The following NAALADL2 variants were observed in gnomAD, a reference collection of about 807,000 sequenced individuals.
NAALADL2 encodes inactive N-acetylated-alpha-linked acidic dipeptidase-like protein 2.
Under a neutral mutation model 87.2 loss-of-function variants are expected in NAALADL2, and 76 were observed. The observed-to-expected ratio is 0.87, with a 90% CI of 0.72 to 1.05. The LOEUF is 1.05. Ranked by LOEUF, NAALADL2 falls within the 50% of genes least tolerant of loss-of-function variation. NAALADL2 has a pLI of 0.00. For missense variants in NAALADL2, 1,089 were observed against 945.8 expected (o/e 1.15, Z -1.99); for synonymous variants, 354 against 331.0 (o/e 1.07, Z -0.75).
At chr3:175,126,302 T>C (rs977146293) in intron 2 of NAALADL2, among the ~76,000 whole-genome samples, 1 of 152,102 alleles carries the variant, frequency 6.6e-6, no homozygotes, top group Non-Finnish European at 1.5e-5. Context: ...GTGCAGACTA[T>C]GGGCTTTAAT....
chr3:174,719,948 T>C (rs757736649), intron 2 of NAALADL2, among the ~76,000 whole-genome samples: 2 of 152,086 alleles, frequency 1.3e-5, no homozygotes, highest in Non-Finnish European at 2.9e-5. Context: ...ACTGCAGGCA[T>C]GCGCCACCAT....
chr3:175,607,373 T>TTC (rs1453653495), intron 10 of NAALADL2, among the ~76,000 whole-genome samples: 1 of 152,232 alleles, frequency 6.6e-6, no homozygotes, highest in East Asian at 1.9e-4. Context: ...TTATGCTTTT[T>TTC]TCCTTCCACT....
At position 174,714,277 on chromosome 3, in the gene NAALADL2, A is replaced by G. The variant is rs58734254; in HGVS notation, c.-114-23364A>G. Among the ~76,000 whole-genome samples, 936 of 152,138 alleles carry G rather than the reference A, an allele frequency of 6.2e-3. 6 individuals carry two copies. The highest frequency in any genetic ancestry group is 0.021 in the African/African-American group (888 of 41,522). ...TCTTTTGGCTTAGGATTGACTTGGC[A>G]ATGTGGGCTCTTTTTTGGTTCCATA... On this transcript the variant is annotated intron_variant, in intron 2 of 3. Transcript: ENST00000434257.
At position 175,202,650 on chromosome 3, in the gene NAALADL2, C is replaced by T. The variant is rs941413781; in HGVS notation, c.546-31281C>T. Among the ~76,000 whole-genome samples, 7 of 152,014 alleles carry T rather than the reference C, an allele frequency of 4.6e-5. No individual in the cohort carries two copies. In the South Asian group the frequency reaches 6.2e-4, roughly 13 times the overall value. ...AGCATCAGCTGTGGTAGTATGGAGA[C>T]GAACTGGCAGTAGGCAGGTCCCTAG... is the stretch of plus-strand genomic sequence containing the variant. On this transcript the variant is annotated intron_variant, in intron 2 of 13. Coordinates refer to ENST00000454872, the MANE Select transcript of NAALADL2 (RefSeq NM_207015.3).
At chr3:174,497,910 A>C (rs1718645351) in intron 1 of NAALADL2, among the ~76,000 whole-genome samples, 1 of 152,192 alleles carries the variant, frequency 6.6e-6, no homozygotes, top group Non-Finnish European at 1.5e-5. Flanking sequence ...TGGAATTCAA[A>C]TTAGCAAAAT....
intron 2 of NAALADL2, among the ~76,000 whole-genome samples, chr3:175,232,178 G>T (rs1230833759): frequency 6.7e-6 from 1 of 150,128 alleles, no homozygotes; most frequent in Non-Finnish European, 1.5e-5. Context: ...GGAGGAGAAG[G>T]AGCAAGAGGA....
intron 2 of NAALADL2, among the ~76,000 whole-genome samples, chr3:174,727,356 G>C (rs1296150907): frequency 6.6e-6 from 1 of 151,800 alleles, no homozygotes; most frequent in Non-Finnish European, 1.5e-5. Flanking sequence ...TTCCCAAAAT[G>C]GGTAATGTTC....
At chr3:174,492,558 A>G (rs1394653376) in intron 1 of NAALADL2, among the ~76,000 whole-genome samples, 1 of 152,096 alleles carries the variant, frequency 6.6e-6, no homozygotes, top group African/African-American at 2.4e-5. Flanking sequence ...TGTGTGCTGA[A>G]AGCAACATCC....
chr3:175,412,746 A>G lies in NAALADL2; in HGVS notation c.1091-34483A>G, dbSNP rs529479588. ...AAAAAATTCTAAATTCTTGAAAAAC[A>G]TATGCATTTTTCTGTATCTTGTGTT... On this transcript the variant is annotated intron_variant, in intron 5 of 13. Transcript: ENST00000454872. 1.7e-3 allele frequency among the ~76,000 whole-genome samples: 264 copies of G among 151,830 alleles called. 1 individual carries two copies. Among genetic ancestry groups the G allele is most frequent in the African/African-American group, 6.1e-3 (251 of 41,472 alleles).
chr3:175,653,460 G>A (rs997523084), intron 11 of NAALADL2, among the ~76,000 whole-genome samples: 10 of 152,148 alleles, frequency 6.6e-5, no homozygotes, highest in African/African-American at 2.4e-4. Flanking sequence ...TCTGGCACTG[G>A]TTTGGAAGCG....
At chr3:175,796,507 A>T (rs1753513958) in intron 13 of NAALADL2, among the ~76,000 whole-genome samples, 1 of 152,170 alleles carries the variant, frequency 6.6e-6, no homozygotes, top group African/African-American at 2.4e-5. Context: ...CTCAAAGGAT[A>T]TGTGTAGTAT....
chr3:175,451,358 A>C (rs543828508), intron 6 of NAALADL2, among the ~76,000 whole-genome samples: 1 of 152,282 alleles, frequency 6.6e-6, no homozygotes, highest in Admixed American at 6.5e-5. Flanking sequence ...ATGGAAAAAG[A>C]ATCATGAAAA....
At chr3:174,691,796 T>C (rs1436492571) in intron 2 of NAALADL2, among the ~76,000 whole-genome samples, 4 of 152,240 alleles carry the variant, frequency 2.6e-5, no homozygotes, top group Non-Finnish European at 2.9e-5. Flanking sequence ...ATTTCAACAC[T>C]GTTCGTGACA....
chr3:174,722,127 G>A (rs559809078), intron 2 of NAALADL2, among the ~76,000 whole-genome samples: 1 of 152,178 alleles, frequency 6.6e-6, no homozygotes, highest in South Asian at 2.1e-4. Flanking sequence ...TTATTTACCT[G>A]TAACAGTATC....
chr3:174,859,195 C>A, upstream of NAALADL2: 1 of 548,646 alleles, frequency 1.8e-6, no homozygotes. Flanking sequence ...ACTTTAATAG[C>A]CATACAGTGG....
intron 2 of NAALADL2, among the ~76,000 whole-genome samples, chr3:174,612,500 C>T (rs1470053703): frequency 6.6e-6 from 1 of 151,838 alleles, no homozygotes; most frequent in Admixed American, 6.6e-5. Flanking sequence ...CTTTTGTCTT[C>T]TCTGTGTATT....
rs977674411 is a variant in NAALADL2, at chr3:175,096,988, A to T, written c.242A>T (p.Asp81Val). The stretch of plus-strand genomic sequence containing the variant: ...AACCTAGGGCATTCAGAGACTATAG[A>T]CCTCAATCTTGATTCCATTCAACCA... ...NQNLGHSETI[D>V]LNLDSIQPAT... Residue 81 changes from aspartate (D) to valine (V), a missense_variant, in exon 2 of 14, where the codon GAC (aspartate) becomes GTC (valine). Transcript: ENST00000454872. The T allele has an allele frequency of 4.2e-5, 67 of 1,613,304 alleles. No individual in the cohort carries two copies. The highest frequency in any genetic ancestry group is 5.2e-5 in the Non-Finnish European group (61 of 1,179,672).
intron 9 of NAALADL2, among the ~76,000 whole-genome samples, chr3:175,500,712 CT>C (rs1729423466): frequency 6.6e-6 from 1 of 151,992 alleles, no homozygotes; most frequent in African/African-American, 2.4e-5. Context: ...CTATTATTAT[CT>C]CCATCTTACA....
At chr3:175,293,097 G>A (rs1038004181) in intron 4 of NAALADL2, among the ~76,000 whole-genome samples, 1 of 144,110 alleles carries the variant, frequency 6.9e-6, no homozygotes, top group Non-Finnish European at 1.5e-5. Context: ...AAAAGATTTA[G>A]TGTAATTTTG....
Sources: gnomAD v4.1 joint callset for allele counts (sites outside exome capture counted in the v4.1 genomes callset) on GRCh38, gnomAD v4.1.1 for gene constraint, MANE v1.5 for transcripts, NCBI Gene and HGNC (gene_info 2026-07-23, HGNC 2026-07-21) for gene names.